The following MAGI2 variants were observed in gnomAD, a reference collection of about 807,000 sequenced individuals.
MAGI2 encodes the protein membrane-associated guanylate kinase, WW and PDZ domain-containing protein 2.
Under a neutral mutation model 133.3 loss-of-function variants are expected in MAGI2, and 35 were observed. That is an observed-to-expected ratio of 0.26 (90% CI 0.20 to 0.35). The LOEUF (loss-of-function observed/expected upper bound fraction) is 0.35, where lower values mean the gene tolerates loss of function less well. Among genes scored for constraint, MAGI2 ranks in the 10% least tolerant of loss-of-function variants. The pLI, the probability that MAGI2 is intolerant of heterozygous loss-of-function variation, is 1.00. For missense variants in MAGI2, 1,636 were observed against 1,863.4 expected, an observed-to-expected ratio of 0.88 and a Z score of 2.25; for synonymous variants, 729 against 710.6, an observed-to-expected ratio of 1.03 and a Z score of -0.41.
chr7:78,078,937 T>A lies in MAGI2; in HGVS notation c.3706+10A>T. On this transcript the variant is annotated intron_variant, in intron 21 of 21. Transcript: ENST00000354212. The stretch of plus-strand genomic sequence containing the variant: ...AAGAGCAAAAGGGTGAATTAAAACG[T>A]GAAACGTACCATATTCTGGGACCTG... 6.2e-7 allele frequency: 1 copy of A among 1,612,612 alleles called. No homozygotes were observed. Among genetic ancestry groups the A allele is most frequent in the Non-Finnish European group, 8.5e-7 (1 of 1,179,766 alleles).
chr7:78,780,742 G>GT, intron 2 of MAGI2, among the ~76,000 whole-genome samples: 1 of 152,250 alleles, frequency 6.6e-6, no homozygotes, highest in East Asian at 1.9e-4. Context: ...GTTAATTGTA[G>GT]TATTTGTCAG....
intron 1 of MAGI2, among the ~76,000 whole-genome samples, chr7:79,055,281 A>G (rs1028191592): frequency 1.7e-5 from 2 of 118,306 alleles, no homozygotes; most frequent in South Asian, 4.8e-4. Flanking sequence ...TTGTAAGGGC[A>G]TGCCTTTTTT....
chr7:78,286,683 T>C (rs1331857951), intron 9 of MAGI2, among the ~76,000 whole-genome samples: 1 of 151,994 alleles, frequency 6.6e-6, no homozygotes, highest in Admixed American at 6.6e-5. Flanking sequence ...ACTGGAAAGC[T>C]ATATACTAGA....
chr7:78,603,581 G>A (rs1036936190), intron 3 of MAGI2, among the ~76,000 whole-genome samples: 3 of 152,114 alleles, frequency 2.0e-5, no homozygotes, highest in South Asian at 2.1e-4. Flanking sequence ...TGGAGTGCAC[G>A]ACGCGATGTC....
chr7:78,927,526 G>A (rs1299267931), intron 2 of MAGI2, among the ~76,000 whole-genome samples: 1 of 151,840 alleles, frequency 6.6e-6, no homozygotes, highest in African/African-American at 2.4e-5. Flanking sequence ...ATCAAGGAAA[G>A]GGTAGAGATA....
intron 1 of MAGI2, among the ~76,000 whole-genome samples, chr7:79,329,969 C>T (rs530071842): frequency 1.3e-5 from 2 of 152,034 alleles, no homozygotes; most frequent in Non-Finnish European, 2.9e-5. Context: ...AGACCTACAG[C>T]TGCTAAATAT....
intron 1 of MAGI2, among the ~76,000 whole-genome samples, chr7:79,130,592 A>C (rs1820846098): frequency 6.6e-6 from 1 of 152,208 alleles, no homozygotes. Flanking sequence ...ACTTCATCTC[A>C]CAATACATCA....
intron 20 of MAGI2, among the ~76,000 whole-genome samples, chr7:78,114,378 C>T (rs1230386056): frequency 6.6e-6 from 1 of 152,208 alleles, no homozygotes; most frequent in Non-Finnish European, 1.5e-5. Context: ...CCAACTTTTT[C>T]CCACTGGGAA....
At chr7:78,724,650 C>G (rs1820590882) in intron 2 of MAGI2, among the ~76,000 whole-genome samples, 1 of 152,134 alleles carries the variant, frequency 6.6e-6, no homozygotes, top group Admixed American at 6.5e-5. Context: ...CTGTGTGCCT[C>G]TTTGAGGTGC....
At chr7:78,677,685 C>G (rs1055087959) in intron 2 of MAGI2, among the ~76,000 whole-genome samples, 1 of 152,042 alleles carries the variant, frequency 6.6e-6, no homozygotes, top group African/African-American at 2.4e-5. Context: ...TATGGATTTA[C>G]TGGGGATTCT....
intron 2 of MAGI2, among the ~76,000 whole-genome samples, chr7:79,002,794 T>C (rs890444067): frequency 1.3e-5 from 2 of 151,920 alleles, no homozygotes; most frequent in African/African-American, 4.8e-5. Flanking sequence ...GAACTCAATA[T>C]ATGCCCAACA....
At chr7:78,040,277 G>A (rs1467091815) in intron 21 of MAGI2, among the ~76,000 whole-genome samples, 1 of 152,160 alleles carries the variant, frequency 6.6e-6, no homozygotes, top group Non-Finnish European at 1.5e-5. Flanking sequence ...CACCTTGCAG[G>A]CGGGCCGGAG....
intron 2 of MAGI2, among the ~76,000 whole-genome samples, chr7:78,923,646 CT>C (rs1369567596): frequency 6.6e-6 from 1 of 152,118 alleles, no homozygotes; most frequent in Admixed American, 6.5e-5. Context: ...TGGCTTTGTT[CT>C]TTTGGCTTAG....
intron 1 of MAGI2, among the ~76,000 whole-genome samples, chr7:79,054,084 T>C (rs1316887460): frequency 6.6e-6 from 1 of 152,056 alleles, no homozygotes. Flanking sequence ...TAGTCCCAGC[T>C]ACTCAGGAGG....
intron 4 of MAGI2, among the ~76,000 whole-genome samples, chr7:78,508,222 T>A (rs1795257392): frequency 6.6e-6 from 1 of 151,366 alleles, no homozygotes; most frequent in Admixed American, 6.6e-5. Context: ...TATTTCCCAA[T>A]AAAGTCACCA....
At position 78,430,213 on chromosome 7, in the gene MAGI2, C is replaced by T. The variant is rs186529463; in HGVS notation, c.1045+59548G>A. On this transcript the variant is annotated intron_variant, in intron 6 of 21. Coordinates refer to ENST00000354212, the MANE Select transcript of MAGI2 (RefSeq NM_012301.4). ...TGAGAAAAATATTACAATGCTCTAA[C>T]TGTATTACTGTCTGTTCTGGAAAAG... is the stretch of plus-strand genomic sequence containing the variant. Among the ~76,000 whole-genome samples, 338 of 128,596 alleles carry T rather than the reference C, an allele frequency of 2.6e-3. 2 individuals carry two copies. The highest frequency in any genetic ancestry group is 9.7e-3 in the African/African-American group (323 of 33,284). 84.4% of individuals were successfully genotyped at this position (128,596 alleles called of 152,430 possible).
At chr7:78,252,578 A>C (rs768150935) in intron 10 of MAGI2, 1 of 152,102 alleles carries the variant, frequency 6.6e-6, no homozygotes, top group Non-Finnish European at 1.5e-5. Flanking sequence ...TTTAGAAGAA[A>C]ACACAAGAAA....
intron 2 of MAGI2, among the ~76,000 whole-genome samples, chr7:78,984,325 A>G (rs1303589490): frequency 6.6e-6 from 1 of 151,996 alleles, no homozygotes; most frequent in Non-Finnish European, 1.5e-5. Flanking sequence ...AACATATGTC[A>G]GATAACATCC....
chr7:78,737,139 T>C (rs1427458307), intron 2 of MAGI2, among the ~76,000 whole-genome samples: 1 of 152,186 alleles, frequency 6.6e-6, no homozygotes, highest in Non-Finnish European at 1.5e-5. Flanking sequence ...AAATTTGAGC[T>C]TTAGAGCTAA....
Sources: gnomAD v4.1 joint callset for allele counts (sites outside exome capture counted in the v4.1 genomes callset) on GRCh38, gnomAD v4.1.1 for gene constraint, MANE v1.5 for transcripts, NCBI Gene and HGNC (gene_info 2026-07-23, HGNC 2026-07-21) for gene names.